UBTD2: variants seen among roughly 807,000 people sequenced by gnomAD.
The protein encoded by UBTD2 is ubiquitin domain-containing protein 2.
Under a neutral mutation model 19.8 loss-of-function variants are expected in UBTD2, and 9 were observed. That is an observed-to-expected ratio of 0.46 (90% confidence interval 0.27 to 0.79). UBTD2 has a LOEUF of 0.79. UBTD2 is among the 30% of genes least tolerant of loss of function. UBTD2 has a pLI of 0.14. For missense variants in UBTD2, 250 were observed against 300.4 expected, an observed-to-expected ratio of 0.83 and a Z score of 1.24; for synonymous variants, 98 against 103.9, an observed-to-expected ratio of 0.94 and a Z score of 0.35.
intron 1 of UBTD2, among the ~76,000 whole-genome samples, chr5:172,262,632 C>T (rs1243286239): frequency 6.6e-6 from 1 of 151,338 alleles, no homozygotes; most frequent in East Asian, 2.0e-4. Context: ...ACCAACAAGG[C>T]AAAACCCCAT....
intron 1 of UBTD2, chr5:172,254,718 G>T (rs1036459416): frequency 5.7e-5 from 18 of 315,390 alleles, no homozygotes; most frequent in Non-Finnish European, 1.0e-4. Context: ...TGATTCTCTT[G>T]CAACAATGCT....
chr5:172,222,059 T>C (rs1300525926), intron 2 of UBTD2, among the ~76,000 whole-genome samples: 1 of 152,178 alleles, frequency 6.6e-6, no homozygotes, highest in African/African-American at 2.4e-5. Context: ...TCAAATACTA[T>C]TTGATTTCAT....
intron 1 of UBTD2, chr5:172,242,479 C>T (rs748745441): frequency 7.1e-5 from 67 of 942,274 alleles, no homozygotes; most frequent in Non-Finnish European, 7.7e-5. Flanking sequence ...AGGGGATATA[C>T]GGCAATGTGT....
At chr5:172,224,101 G>GA (rs1463013154) in intron 2 of UBTD2, among the ~76,000 whole-genome samples, 3 of 151,896 alleles carry the variant, frequency 2.0e-5, no homozygotes, top group Admixed American at 1.3e-4. Flanking sequence ...AGGAGTGTGT[G>GA]AAAAAAATGA....
At chr5:172,222,079 A>G (rs181352965) in intron 2 of UBTD2, among the ~76,000 whole-genome samples, 68 of 152,288 alleles carry the variant, frequency 4.5e-4, no homozygotes, top group Non-Finnish European at 9.3e-4. Flanking sequence ...TTTTAAGTCT[A>G]TAGGTTTATG....
At chr5:172,256,214 A>G (rs1198721868) in intron 1 of UBTD2, among the ~76,000 whole-genome samples, 1 of 152,198 alleles carries the variant, frequency 6.6e-6, no homozygotes, top group Non-Finnish European at 1.5e-5. Flanking sequence ...GAACATCAGT[A>G]AAGCCACTCT....
At chr5:172,246,162 A>G (rs187779678) in intron 1 of UBTD2, among the ~76,000 whole-genome samples, 77 of 152,344 alleles carry the variant, frequency 5.1e-4, no homozygotes, top group Non-Finnish European at 1.0e-3. Flanking sequence ...TCTTGAAACA[A>G]ATGAACGTTT....
Position 172,211,402 on chromosome 5 carries a change from T to A in UBTD2, c.*428A>T, listed in dbSNP as rs1771442558. On this transcript the variant is annotated 3_prime_UTR_variant, in exon 3 of 3. Transcript: ENST00000393792. ...ACAAAACAAAACAAAAAGGTTAAGT[T>A]TTATATCCATTATTTATGGTTTCTG... 1 of 153,720 alleles carries A rather than the reference T, an allele frequency of 6.5e-6. No homozygotes were observed. Among genetic ancestry groups the A allele is most frequent in the Non-Finnish European group, 1.4e-5 (1 of 69,022 alleles). The allele number at this position is 153,720 out of a possible 1,614,324, so 9.5% of individuals were successfully genotyped here.
rs1166671878 is a variant in UBTD2, at chr5:172,210,870, A to C, written c.*960T>G. 2 of 152,078 alleles carry C rather than the reference A, an allele frequency of 1.3e-5. No homozygotes were observed. Among genetic ancestry groups the C allele is most frequent in the East Asian group, 3.9e-4 (2 of 5,186 alleles). 9.4% of individuals were successfully genotyped at this position (152,078 alleles called of 1,614,324 possible). Reference sequence around the variant, plus strand: ...GGAAATCATTTACTTTATTAACTTGAGTGGGAACAGCTATAATTGATTTTG... The same window carrying C: ...GGAAATCATTTACTTTATTAACTTGCGTGGGAACAGCTATAATTGATTTTG... On this transcript the variant is annotated 3_prime_UTR_variant, in exon 3 of 3. Transcript: ENST00000393792.
chr5:172,231,119 G>C lies in UBTD2; in HGVS notation c.307+3003C>G, dbSNP rs80270659. Among the ~76,000 whole-genome samples the C allele has an allele frequency of 9.6e-3, 1,459 of 152,230 alleles. 33 individuals are homozygous for C. The highest frequency in any genetic ancestry group is 0.033 in the African/African-American group (1,369 of 41,548). ...CTCAAACATGTAATTACACAAAAAAGATGGAAAGAATTTCGGCAATACCAC... is the reference window on the plus strand; with the variant it reads ...CTCAAACATGTAATTACACAAAAAACATGGAAAGAATTTCGGCAATACCAC... On this transcript the variant is annotated intron_variant, in intron 2 of 2. Coordinates refer to ENST00000393792, the MANE Select transcript of UBTD2 (RefSeq NM_152277.3).
At chr5:172,236,392 G>A (rs1396561603) in intron 1 of UBTD2, among the ~76,000 whole-genome samples, 2 of 152,188 alleles carry the variant, frequency 1.3e-5, no homozygotes, top group African/African-American at 4.8e-5. Flanking sequence ...CACTACAGAT[G>A]TGCCTATTAC....
chr5:172,228,495 T>C (rs929724231), intron 2 of UBTD2, among the ~76,000 whole-genome samples: 1 of 151,810 alleles, frequency 6.6e-6, no homozygotes, highest in Admixed American at 6.6e-5. Flanking sequence ...CCGAGGCGGG[T>C]GGATTACTTG....
At chr5:172,260,908 C>A (rs1011917424) in intron 1 of UBTD2, among the ~76,000 whole-genome samples, 1 of 152,216 alleles carries the variant, frequency 6.6e-6, no homozygotes. Context: ...GCAGCCATCA[C>A]AAACCCAGAG....
At chr5:172,243,053 C>T (rs2113035759) in intron 1 of UBTD2, among the ~76,000 whole-genome samples, 1 of 151,946 alleles carries the variant, frequency 6.6e-6, no homozygotes, top group Non-Finnish European at 1.5e-5. Context: ...GTCTCAAACT[C>T]CTGGGCTCAA....
chr5:172,249,177 C>G (rs887408956), intron 1 of UBTD2, among the ~76,000 whole-genome samples: 4 of 151,908 alleles, frequency 2.6e-5, no homozygotes, highest in Non-Finnish European at 2.9e-5. Context: ...GCGGGTGTAT[C>G]AGTTGTGGTC....
At chr5:172,232,611 A>C (rs1363595766) in intron 2 of UBTD2, among the ~76,000 whole-genome samples, 2 of 152,164 alleles carry the variant, frequency 1.3e-5, no homozygotes, top group African/African-American at 4.8e-5. Flanking sequence ...TTATAACCTC[A>C]GCACTTTGGG....
At chr5:172,281,970 T>A (rs1381506425) in intron 1 of UBTD2, among the ~76,000 whole-genome samples, 1 of 152,204 alleles carries the variant, frequency 6.6e-6, no homozygotes, top group African/African-American at 2.4e-5. Context: ...AGCTAAGATT[T>A]CACGCTTTTT....
At chr5:172,235,104 A>G (rs1479056176) in intron 1 of UBTD2, among the ~76,000 whole-genome samples, 1 of 152,104 alleles carries the variant, frequency 6.6e-6, no homozygotes, top group Non-Finnish European at 1.5e-5. Flanking sequence ...TTTTAATACA[A>G]TGAAAGTTTT....
At chr5:172,246,753 T>C in intron 1 of UBTD2, among the ~76,000 whole-genome samples, 1 of 30,564 alleles carries the variant, frequency 3.3e-5, no homozygotes, top group South Asian at 2.0e-3. Context: ...CGAGATTGCT[T>C]TTTTTTTTTT....
Sources: allele counts gnomAD v4.1 joint callset (sites outside exome capture counted in the v4.1 genomes callset), GRCh38; gene constraint gnomAD v4.1.1; transcripts MANE v1.5; gene names NCBI Gene and HGNC (gene_info 2026-07-23, HGNC 2026-07-21).